The following RNF220 variants were observed in gnomAD, a reference collection of about 807,000 sequenced individuals.
RNF220 encodes E3 ubiquitin-protein ligase RNF220.
In RNF220, 7 loss-of-function variants were observed where a neutral mutation model predicts 67.1. That is an observed-to-expected ratio of 0.10 (90% CI 0.06 to 0.20). The LOEUF (loss-of-function observed/expected upper bound fraction) is 0.20, where lower values mean the gene tolerates loss of function less well. Among genes scored for constraint, RNF220 ranks in the 10% least tolerant of loss-of-function variants. RNF220 has a pLI of 1.00. For synonymous variants in RNF220, 270 were observed against 283.2 expected (o/e 0.95, Z 0.47); for missense variants, 565 against 740.3 (o/e 0.76, Z 2.75).
At chr1:44,464,208 G>A (rs1313824210) in intron 2 of RNF220, among the ~76,000 whole-genome samples, 4 of 152,212 alleles carry the variant, frequency 2.6e-5, no homozygotes, top group East Asian at 1.9e-4. Context: ...TTTCTTGAGT[G>A]TACAGTTGTA....
At chr1:44,504,064 G>A (rs181613992) in intron 2 of RNF220, among the ~76,000 whole-genome samples, 2 of 152,136 alleles carry the variant, frequency 1.3e-5, no homozygotes, top group Non-Finnish European at 2.9e-5. Flanking sequence ...TAGCCAGGAT[G>A]GTCTCGATCT....
chr1:44,643,605 T>TC (rs1416752946), intron 8 of RNF220: 3 of 151,934 alleles, frequency 2.0e-5, no homozygotes, highest in African/African-American at 7.3e-5. Flanking sequence ...CTAATGAGAG[T>TC]ATAAGGACCT....
chr1:44,590,869 G>A (rs1206726115), intron 2 of RNF220, among the ~76,000 whole-genome samples: 1 of 152,182 alleles, frequency 6.6e-6, no homozygotes, highest in East Asian at 1.9e-4. Flanking sequence ...TGATAGTACT[G>A]CCTCCTAGAA....
At chr1:44,505,188 G>T (rs974995530) in intron 2 of RNF220, among the ~76,000 whole-genome samples, 2 of 152,206 alleles carry the variant, frequency 1.3e-5, no homozygotes, top group African/African-American at 4.8e-5. Context: ...ACCCAGATCT[G>T]CCTGACTTCA....
At chr1:44,583,862 T>C (rs543039435) in intron 2 of RNF220, among the ~76,000 whole-genome samples, 1 of 152,358 alleles carries the variant, frequency 6.6e-6, no homozygotes, top group East Asian at 1.9e-4. Flanking sequence ...TTATTGAATT[T>C]CTGAATGGAT....
rs1220520469 is a variant in RNF220, at chr1:44,621,204, C to T, written c.759-1538C>T. Among the ~76,000 whole-genome samples the T allele has an allele frequency of 6.6e-6, 1 of 152,246 alleles. No homozygotes were observed. The highest frequency in any genetic ancestry group is 1.5e-5 in the Non-Finnish European group (1 of 68,042). On this transcript the variant is annotated intron_variant, in intron 3 of 14. Transcript: ENST00000361799. The surrounding 1 kb of genome is among the most constrained non-coding windows in gnomAD (Gnocchi z 4.8). ...GTGCTGGGATTATAGGCGTGAGCCACTGCACCGGACCATGCATCTGTCTTT... is the reference window on the plus strand; with the variant it reads ...GTGCTGGGATTATAGGCGTGAGCCATTGCACCGGACCATGCATCTGTCTTT...
rs561529796 is a variant in RNF220, at chr1:44,611,153, A to G, written c.626-3012A>G. ...GCCCATGGCCATGCTGACACTTGCC[A>G]CTCTAACCCCTGAGAAAATGGGGGT... On this transcript the variant is annotated intron_variant, in intron 2 of 14. Coordinates refer to ENST00000361799, the MANE Select transcript of RNF220 (RefSeq NM_018150.4). Among the ~76,000 whole-genome samples, 502 of 152,106 alleles carry G rather than the reference A, an allele frequency of 3.3e-3. 1 individual carries two copies. The highest frequency in any genetic ancestry group is 5.3e-3 in the Non-Finnish European group (363 of 67,978).
chr1:44,433,447 A>G (rs923227390), intron 2 of RNF220, among the ~76,000 whole-genome samples: 1 of 152,248 alleles, frequency 6.6e-6, no homozygotes, highest in African/African-American at 2.4e-5. Context: ...GCATTCATGC[A>G]GTATATTCAA....
intron 2 of RNF220, among the ~76,000 whole-genome samples, chr1:44,478,028 G>A (rs1018666969): frequency 6.6e-6 from 1 of 152,180 alleles, no homozygotes; most frequent in African/African-American, 2.4e-5. Context: ...ACCCAGGCTG[G>A]AGTGCAATGG....
At chr1:44,541,199 G>A (rs527739257) in intron 2 of RNF220, among the ~76,000 whole-genome samples, 1 of 152,262 alleles carries the variant, frequency 6.6e-6, no homozygotes, top group East Asian at 1.9e-4. Context: ...AGACCGAGGT[G>A]GGTGGATCAC....
chr1:44,617,648 T>C (rs1186833599), intron 3 of RNF220, among the ~76,000 whole-genome samples: 2 of 152,190 alleles, frequency 1.3e-5, no homozygotes, highest in Non-Finnish European at 2.9e-5. Context: ...TGGGAAAAGA[T>C]GACACACTGG....
intron 2 of RNF220, among the ~76,000 whole-genome samples, chr1:44,580,270 C>G (rs1000595010): frequency 6.6e-6 from 1 of 151,872 alleles, no homozygotes; most frequent in African/African-American, 2.4e-5. Flanking sequence ...GTGCTTTTTT[C>G]CCCTTTTCCC....
intron 2 of RNF220, among the ~76,000 whole-genome samples, chr1:44,580,140 C>A (rs898911550): frequency 4.0e-5 from 6 of 150,942 alleles, no homozygotes; most frequent in African/African-American, 1.2e-4. Context: ...GTTGTCCCTT[C>A]ATCTAGTGTT....
rs555046227 is a variant in RNF220 at position 44,628,991 on chromosome 1, G to A, written c.906+2593G>A. ...ACAACTCATTATTTATGATGCTGTG[G>A]TTGACTGGGCATTTCCTCACTCATG... On this transcript the variant is annotated intron_variant, in intron 5 of 14. Transcript: ENST00000361799. 3.9e-4 allele frequency among the ~76,000 whole-genome samples: 59 copies of A among 152,348 alleles called. 1 individual carries two copies. Among genetic ancestry groups the A allele is most frequent in the Non-Finnish European group, 5.9e-5 (4 of 68,030 alleles).
At chr1:44,473,997 A>T in intron 2 of RNF220, among the ~76,000 whole-genome samples, 1 of 152,198 alleles carries the variant, frequency 6.6e-6, no homozygotes, top group East Asian at 1.9e-4. Context: ...CATTAAGTAC[A>T]GTCGGCCTTC....
At chr1:44,520,120 T>TG (rs1322052489) in intron 2 of RNF220, among the ~76,000 whole-genome samples, 1 of 141,780 alleles carries the variant, frequency 7.1e-6, no homozygotes, top group African/African-American at 2.7e-5. Flanking sequence ...TGTGTGTGTG[T>TG]GTGTGTGTGA....
At chr1:44,569,210 C>A (rs1244634028) in intron 2 of RNF220, among the ~76,000 whole-genome samples, 3 of 152,114 alleles carry the variant, frequency 2.0e-5, no homozygotes, top group African/African-American at 4.8e-5. Flanking sequence ...AGACTAGCCT[C>A]TCTCCCCGCC....
intron 2 of RNF220, among the ~76,000 whole-genome samples, chr1:44,574,802 T>A (rs1243444714): frequency 6.6e-6 from 1 of 152,150 alleles, no homozygotes; most frequent in Non-Finnish European, 1.5e-5. Flanking sequence ...CCGCCTGTGC[T>A]AACCCCTATG....
rs546446967 is a variant in RNF220, at chr1:44,477,452, G to A, written c.625+64730G>A. 3.7e-4 allele frequency among the ~76,000 whole-genome samples: 57 copies of A among 152,336 alleles called. 2 individuals are homozygous for A. Among genetic ancestry groups the A allele is most frequent in the Middle Eastern group, 3.4e-3 (1 of 294 alleles). Reference sequence around the variant, plus strand: ...GAACTGAAGTTAAGGCCTGCAATGAGCAAGGACATTTCAAAAAGAAGGAAC... The same window carrying A: ...GAACTGAAGTTAAGGCCTGCAATGAACAAGGACATTTCAAAAAGAAGGAAC... On this transcript the variant is annotated intron_variant, in intron 2 of 14. Transcript: ENST00000361799.
Sources: gnomAD v4.1 joint callset for allele counts (sites outside exome capture counted in the v4.1 genomes callset) on GRCh38, gnomAD v4.1.1 for gene constraint, Gnocchi (gnomAD v3.1) non-coding constraint, MANE v1.5 for transcripts, NCBI Gene and HGNC (gene_info 2026-07-23, HGNC 2026-07-21) for gene names.